OSCP1: variants seen among roughly 807,000 people sequenced by gnomAD.
OSCP1 encodes protein OSCP1.
OSCP1 carries 35 observed loss-of-function variants against 45.1 expected under a neutral mutation model. The observed-to-expected ratio is 0.78, with a 90% CI of 0.59 to 1.03. The LOEUF (loss-of-function observed/expected upper bound fraction) is 1.03, where lower values mean the gene tolerates loss of function less well. Among genes scored for constraint, OSCP1 ranks in the 50% least tolerant of loss-of-function variants. The pLI is 0.00. For missense variants in OSCP1, 400 were observed against 470.7 expected (o/e 0.85, Z 1.39); for synonymous variants, 179 against 180.1 (o/e 0.99, Z 0.05).
chr1:36,439,964 C>T (rs1320569912), intron 1 of OSCP1, among the ~76,000 whole-genome samples: 1 of 152,178 alleles, frequency 6.6e-6, no homozygotes, highest in Non-Finnish European at 1.5e-5. Flanking sequence ...CATAGATTAT[C>T]CTTAATTAAA....
chr1:36,425,963 G>A (rs1465020443), intron 4 of OSCP1, among the ~76,000 whole-genome samples: 1 of 152,176 alleles, frequency 6.6e-6, no homozygotes, highest in Admixed American at 6.5e-5. Context: ...TGTGGGTCTG[G>A]AGCTGAGCCT....
At chr1:36,442,827 C>T (rs1258531418) in intron 1 of OSCP1, among the ~76,000 whole-genome samples, 4 of 151,986 alleles carry the variant, frequency 2.6e-5, no homozygotes, top group East Asian at 1.9e-4. Context: ...GACCACTTAT[C>T]GTTTTATATT....
chr1:36,446,177 C>G (rs1570553545), intron 1 of OSCP1, among the ~76,000 whole-genome samples: 1 of 150,926 alleles, frequency 6.6e-6, no homozygotes, highest in African/African-American at 2.4e-5. Context: ...CGCCTGCCAC[C>G]ACAACAGGGT....
chr1:36,438,687 C>T (rs1460262675), intron 2 of OSCP1, 69 bp downstream of exon 2: 1 of 1,517,406 alleles, frequency 6.6e-7, no homozygotes, highest in Non-Finnish European at 8.8e-7. Flanking sequence ...TCATGTGACC[C>T]CAGTCTATGA....
At chr1:36,435,091 CTTTTTTTT>C (rs201268337) in intron 2 of OSCP1, among the ~76,000 whole-genome samples, 9 of 125,744 alleles carry the variant, frequency 7.2e-5, no homozygotes, top group East Asian at 2.3e-4. Flanking sequence ...TTTTCTTTTT[CTTTTTTTT>C]TTTTTTTTTT....
At position 36,418,088 on chromosome 1, in the gene OSCP1, T is replaced by C. The variant is rs1356005721; in HGVS notation, c.*51A>G. ...TGGGCCATGGGGCATTCCCCAGGGG[T>C]CACCATCCAGCAGCCTCTCCCTGGG... On this transcript the variant is annotated 3_prime_UTR_variant, in exon 10 of 10. Transcript: ENST00000235532. 9 of 1,500,932 alleles carry C rather than the reference T, an allele frequency of 6.0e-6. No homozygotes were observed. The highest frequency in any genetic ancestry group is 7.4e-6 in the Non-Finnish European group (8 of 1,080,712). 93.0% of individuals were successfully genotyped at this position (1,500,932 alleles called of 1,614,324 possible). A position where few individuals can be genotyped will look rare whatever the true frequency, so the allele number is the denominator to read the frequency against.
chr1:36,425,172 CAAA>C (rs60875318), intron 4 of OSCP1, among the ~76,000 whole-genome samples: 14,759 of 118,388 alleles, frequency 0.12, 837 homozygotes, highest in East Asian at 0.32. Context: ...GACTCTGTCT[CAAA>C]AAAAAAAAAA....
intron 4 of OSCP1, among the ~76,000 whole-genome samples, chr1:36,428,774 A>G (rs1041989658): frequency 1.3e-5 from 2 of 152,096 alleles, no homozygotes; most frequent in East Asian, 1.9e-4. Context: ...GTGAAACCCC[A>G]TCTCTACTAA....
At chr1:36,436,447 C>T (rs1648748263) in intron 2 of OSCP1, among the ~76,000 whole-genome samples, 1 of 152,028 alleles carries the variant, frequency 6.6e-6, no homozygotes, top group Non-Finnish European at 1.5e-5. Context: ...TGCTATGTTG[C>T]CAAGGCTGGT....
rs532958770 is a variant in OSCP1 at position 36,447,347 on chromosome 1, T to C, written c.112+2911A>G. On this transcript the variant is annotated intron_variant, in intron 1 of 9. Coordinates refer to ENST00000235532, the MANE Select transcript of OSCP1 (RefSeq NM_145047.5). The surrounding 1 kb of genome is among the most constrained non-coding windows in gnomAD (Gnocchi z 4.1). ...TTATTTGATAAAATCAGTGGGTATATTGGATATATATTTTTCAGACTCCTC... is the reference window on the plus strand; with the variant it reads ...TTATTTGATAAAATCAGTGGGTATACTGGATATATATTTTTCAGACTCCTC... Among the ~76,000 whole-genome samples, 29 of 152,290 alleles carry C rather than the reference T, an allele frequency of 1.9e-4. No individual in the cohort carries two copies. Among genetic ancestry groups the C allele is most frequent in the Admixed American group, 1.2e-3 (19 of 15,296 alleles).
At chr1:36,418,816 T>C (rs1647433013) in intron 9 of OSCP1, among the ~76,000 whole-genome samples, 175 bp downstream of exon 9, 1 of 151,008 alleles carries the variant, frequency 6.6e-6, no homozygotes, top group South Asian at 2.1e-4. Flanking sequence ...TAATCCCAAC[T>C]ACTCGGCAGG....
At chr1:36,423,254 A>G in intron 5 of OSCP1, 109 bp downstream of exon 5, 1 of 928,674 alleles carries the variant, frequency 1.1e-6, no homozygotes, top group Non-Finnish European at 1.8e-6. Context: ...GAAGAAAGAG[A>G]AGGGCTGGGC....
At chr1:36,433,648 T>C (rs1398968989) in intron 2 of OSCP1, among the ~76,000 whole-genome samples, 2 of 152,134 alleles carry the variant, frequency 1.3e-5, no homozygotes, top group Non-Finnish European at 2.9e-5. Context: ...GAATATAAAA[T>C]AAAAGCTGAA....
chr1:36,448,977 G>A (rs1649706120), intron 1 of OSCP1, among the ~76,000 whole-genome samples: 1 of 152,214 alleles, frequency 6.6e-6, no homozygotes, highest in African/African-American at 2.4e-5. Context: ...TGTGCAGAAT[G>A]AATGGAGGGG....
chr1:36,418,212 A>G lies in OSCP1; in HGVS notation c.1067T>C (p.Phe356Ser), dbSNP rs755132364. The G allele has an allele frequency of 5.6e-6, 9 of 1,614,080 alleles. No individual in the cohort carries two copies. The highest frequency in any genetic ancestry group is 6.8e-6 in the Non-Finnish European group (8 of 1,180,004). Residue 356 changes from phenylalanine to serine, a missense_variant, in exon 10 of 10, where the codon TTT becomes TCT. Transcript: ENST00000235532. ...CAGCCTTGGCTGCTCCGTGATCTCAAACTCCCCCATGATTCGAGCCAGCTC... is the reference window on the plus strand; with the variant it reads ...CAGCCTTGGCTGCTCCGTGATCTCAGACTCCCCCATGATTCGAGCCAGCTC... ...SEELARIMGE[F>S]EITEQPRLST...
Position 36,422,820 on chromosome 1 carries a change from C to T in OSCP1, c.697G>A (p.Glu233Lys), listed in dbSNP as rs764909849. 6.2e-7 allele frequency: 1 copy of T among 1,608,350 alleles called. No individual in the cohort carries two copies. Among genetic ancestry groups the T allele is most frequent in the Non-Finnish European group, 8.5e-7 (1 of 1,176,882 alleles). The change falls in exon 6 of 10, where the codon GAA becomes AAA. Residue 233 changes from glutamate to lysine, a missense_variant. Glu to Lys is a moderately conservative substitution (Grantham distance 56). Coordinates refer to ENST00000235532, the MANE Select transcript of OSCP1 (RefSeq NM_145047.5). ...HGGNYVPAPK[E>K]GSFELYGDRV... Reference sequence around the variant, plus strand: ...TCTCCATAAAGTTCAAAAGAACCTTCTTTGGGTGCAGGGACATAGTTTCCA... The same window carrying T: ...TCTCCATAAAGTTCAAAAGAACCTTTTTTGGGTGCAGGGACATAGTTTCCA...
chr1:36,438,656 A>G lies in OSCP1; in HGVS notation c.267+100T>C. 2.2e-6 allele frequency: 3 copies of G among 1,377,204 alleles called. No individual in the cohort carries two copies. The East Asian group carries it at 7.2e-5, about 33-fold the overall frequency. 85.3% of individuals were successfully genotyped at this position (1,377,204 alleles called of 1,614,324 possible). On this transcript the variant is annotated intron_variant, in intron 2 of 9. Transcript: ENST00000235532. The stretch of plus-strand genomic sequence containing the variant: ...TATTTACACATGCCTGTTTCTTGCA[A>G]GGACCATTGCATACATCATCTCATG...
chr1:36,432,272 G>T, intron 3 of OSCP1, 150 bp downstream of exon 3: 1 of 931,456 alleles, frequency 1.1e-6, no homozygotes, highest in Non-Finnish European at 1.6e-6. Flanking sequence ...TTACCAAAAT[G>T]GACACGGATT....
At chr1:36,449,835 C>CAAAAAAAAAAAAAA (rs67376533) in intron 1 of OSCP1, among the ~76,000 whole-genome samples, 1 of 20,334 alleles carries the variant, frequency 4.9e-5, no homozygotes, top group African/African-American at 2.2e-4. Flanking sequence ...GACCCTGTCT[C>CAAAAAAAAAAAAAA]AAAAAAAAAA....
Sources: allele counts gnomAD v4.1 joint callset (sites outside exome capture counted in the v4.1 genomes callset), GRCh38; gene constraint gnomAD v4.1.1; non-coding constraint Gnocchi (gnomAD v3.1); transcripts MANE v1.5; gene names NCBI Gene and HGNC (gene_info 2026-07-23, HGNC 2026-07-21).